TMEM87B: variants seen among roughly 807,000 people sequenced by gnomAD.
TMEM87B encodes the protein transmembrane protein 87B.
Under a neutral mutation model 80.3 loss-of-function variants are expected in TMEM87B, and 83 were observed. That is an observed-to-expected ratio of 1.03 (90% CI 0.87 to 1.24). The LOEUF (loss-of-function observed/expected upper bound fraction) is 1.24, where lower values mean the gene tolerates loss of function less well. TMEM87B is among the 50% of genes most tolerant of loss of function. The pLI, the probability that TMEM87B is intolerant of heterozygous loss-of-function variation, is 0.00. For synonymous variants in TMEM87B, 219 were observed against 230.5 expected, an observed-to-expected ratio of 0.95 and a Z score of 0.45; for missense variants, 625 against 674.4, an observed-to-expected ratio of 0.93 and a Z score of 0.81.
intron 18 of TMEM87B, among the ~76,000 whole-genome samples, chr2:112,115,717 A>C (rs1342576576): frequency 6.6e-6 from 1 of 152,236 alleles, no homozygotes; most frequent in Non-Finnish European, 1.5e-5. Context: ...TTTTCTAGCT[A>C]GCAGGAAGTT....
At chr2:112,064,886 TA>T (rs1437650432) in intron 3 of TMEM87B, among the ~76,000 whole-genome samples, 1 of 152,170 alleles carries the variant, frequency 6.6e-6, no homozygotes, top group African/African-American at 2.4e-5. Context: ...TGGGTTTCCA[TA>T]TCTTTTTAAA....
rs148356003 is a variant in TMEM87B at position 112,116,112 on chromosome 2, A to C, written c.1637A>C (p.Glu546Ala). Residue 546 changes from glutamate (E) to alanine (A), a missense_variant, in exon 19 of 19, where the codon GAA (glutamate) becomes GCA (alanine). Glu to Ala is a moderately radical substitution (Grantham distance 107, BLOSUM62 -1). Transcript: ENST00000283206. The stretch of plus-strand genomic sequence containing the variant: ...ATCATGACCAGATCTGAAATGGCTG[A>C]AAAAATGTTCTCTTCAGAAAAGATA... ...EEIMTRSEMA[E>A]KMFSSEKIM 3 of 1,612,590 alleles carry C rather than the reference A, an allele frequency of 1.9e-6. No individual in the cohort carries two copies. Among genetic ancestry groups the C allele is most frequent in the Non-Finnish European group, 2.5e-6 (3 of 1,179,412 alleles).
chr2:112,116,209 C>G lies in TMEM87B; in HGVS notation c.*66C>G, dbSNP rs1680019842. ...ATCCTTCATCAAGACTGAAAGTGAGCTTTGATTTGATATTGCCTAAAAATT... is the reference window on the plus strand; with the variant it reads ...ATCCTTCATCAAGACTGAAAGTGAGGTTTGATTTGATATTGCCTAAAAATT... On this transcript the variant is annotated 3_prime_UTR_variant, in exon 19 of 19. Coordinates refer to ENST00000283206, the MANE Select transcript of TMEM87B (RefSeq NM_032824.3). 1 of 1,415,220 alleles carries G rather than the reference C, an allele frequency of 7.1e-7. No individual in the cohort carries two copies. 87.7% of individuals were successfully genotyped at this position (1,415,220 alleles called of 1,614,324 possible). A position where few individuals can be genotyped will look rare whatever the true frequency, so the allele number is the denominator to read the frequency against.
At chr2:112,081,001 A>G (rs1678978816) in intron 6 of TMEM87B, 56 bp from the exon 7 acceptor site, 2 of 1,496,228 alleles carry the variant, frequency 1.3e-6, no homozygotes, top group African/African-American at 1.4e-5. Flanking sequence ...AAATGAACTT[A>G]CATTTAAAGA....
At chr2:112,077,467 T>C (rs1235454807) in intron 6 of TMEM87B, among the ~76,000 whole-genome samples, 185 bp downstream of exon 6, 1 of 152,252 alleles carries the variant, frequency 6.6e-6, no homozygotes, top group East Asian at 1.9e-4. Context: ...ATTTATTTTT[T>C]AATTGATTTA....
intron 1 of TMEM87B, among the ~76,000 whole-genome samples, chr2:112,058,720 C>G (rs72940089): frequency 0.047 from 7,169 of 152,234 alleles, 302 homozygotes; most frequent in African/African-American, 0.11. Flanking sequence ...AGGATCAGAT[C>G]TGGAGGTAGA....
chr2:112,116,111 G>GA lies in TMEM87B; in HGVS notation c.1642dup (p.Met548AsnfsTer33), dbSNP rs761191555. ...AATCATGACCAGATCTGAAATGGCT[G>GA]AAAAAATGTTCTCTTCAGAAAAGAT... is the stretch of plus-strand genomic sequence containing the variant. On this transcript the variant is annotated frameshift_variant, in exon 19 of 19. Transcript: ENST00000283206. LOFTEE classifies it high-confidence loss of function. 4.3e-6 allele frequency: 7 copies of GA among 1,612,280 alleles called. No individual in the cohort carries two copies. Among genetic ancestry groups the GA allele is most frequent in the Admixed American group, 3.3e-5 (2 of 59,944 alleles).
chr2:112,064,437 G>A (rs1475415638), intron 3 of TMEM87B, among the ~76,000 whole-genome samples, 184 bp downstream of exon 3: 1 of 152,162 alleles, frequency 6.6e-6, no homozygotes, highest in Admixed American at 6.5e-5. Context: ...GCTTTTAGTT[G>A]CCTTGTATGA....
intron 4 of TMEM87B, among the ~76,000 whole-genome samples, chr2:112,070,995 GTATT>G (rs1425499366): frequency 7.3e-5 from 11 of 150,148 alleles, no homozygotes; most frequent in African/African-American, 2.7e-4. Context: ...CTAATTTTTT[GTATT>G]TTTTTTTAGT....
rs1202806685 is a variant in TMEM87B, at chr2:112,117,323, G to A, written c.*1180G>A. 1 of 152,124 alleles carries A rather than the reference G, an allele frequency of 6.6e-6. No homozygotes were observed. Among genetic ancestry groups the A allele is most frequent in the Non-Finnish European group, 1.5e-5 (1 of 68,014 alleles). 9.4% of individuals were successfully genotyped at this position (152,124 alleles called of 1,614,324 possible). A position where few individuals can be genotyped will look rare whatever the true frequency, so the allele number is the denominator to read the frequency against. ...AGTCTTGTATGTCTTTTCTTTGAAG[G>A]AGTTCTAACCTTGTAAATTGAGAAT... On this transcript the variant is annotated 3_prime_UTR_variant, in exon 19 of 19. Transcript: ENST00000283206.
rs760023808 is a variant in TMEM87B at position 112,117,724 on chromosome 2, A to G, written c.*1581A>G. The G allele has an allele frequency of 2.6e-5, 4 of 151,998 alleles. No individual in the cohort carries two copies. The highest frequency in any genetic ancestry group is 5.9e-5 in the Non-Finnish European group (4 of 68,018). 9.4% of individuals were successfully genotyped at this position (151,998 alleles called of 1,614,324 possible). The stretch of plus-strand genomic sequence containing the variant: ...TTCTTATTTCAGTTTCTGCTGCAGT[A>G]ATGGGTTCCCACCCACTATAATTCC... On this transcript the variant is annotated 3_prime_UTR_variant, in exon 19 of 19. Transcript: ENST00000283206.
chr2:112,082,659 T>G (rs1005628920), intron 8 of TMEM87B, among the ~76,000 whole-genome samples: 80 of 138,862 alleles, frequency 5.8e-4, no homozygotes, highest in African/African-American at 2.0e-3. Flanking sequence ...TTTTTTATGG[T>G]GTGTGTGTGT....
intron 16 of TMEM87B, among the ~76,000 whole-genome samples, chr2:112,107,557 A>G (rs1490471350): frequency 6.6e-6 from 1 of 152,152 alleles, no homozygotes; most frequent in African/African-American, 2.4e-5. Context: ...ATAATATTTC[A>G]TACATCCAAC....
intron 1 of TMEM87B, among the ~76,000 whole-genome samples, chr2:112,056,097 C>G (rs1678048839): frequency 6.6e-6 from 1 of 152,158 alleles, no homozygotes; most frequent in African/African-American, 2.4e-5. Flanking sequence ...GCACATCTAG[C>G]AGCATCTTTG....
chr2:112,055,890 C>A, intron 1 of TMEM87B, 134 bp downstream of exon 1: 1 of 1,192,896 alleles, frequency 8.4e-7, no homozygotes, highest in Non-Finnish European at 1.1e-6. Context: ...CCTCCCTGAG[C>A]CTTTTGTCTG....
intron 1 of TMEM87B, among the ~76,000 whole-genome samples, chr2:112,056,468 T>C (rs6713344): frequency 0.78 from 118,163 of 151,882 alleles, 47,059 homozygotes; most frequent in African/African-American, 0.94. Flanking sequence ...ACTTGGCGTC[T>C]GGTAATTAGA....
intron 14 of TMEM87B, 111 bp downstream of exon 14, chr2:112,098,809 A>AC (rs1383653811): frequency 2.0e-6 from 2 of 975,748 alleles, no homozygotes; most frequent in African/African-American, 3.3e-5. Flanking sequence ...TAAGGAGTAT[A>AC]CAGTCAAGTA....
chr2:112,095,212 T>A (rs1196725269), intron 11 of TMEM87B: 2 of 809,720 alleles, frequency 2.5e-6, no homozygotes, highest in Non-Finnish European at 2.9e-6. Flanking sequence ...TTTTTTTTTT[T>A]GCTGTTTTGC....
At chr2:112,079,203 C>A (rs893510353) in intron 6 of TMEM87B, among the ~76,000 whole-genome samples, 12 of 151,848 alleles carry the variant, frequency 7.9e-5, no homozygotes, top group Non-Finnish European at 1.6e-4. Context: ...CAATAGAACT[C>A]AAAAAAAGAA....
Sources: gnomAD v4.1 joint callset for allele counts (sites outside exome capture counted in the v4.1 genomes callset) on GRCh38, gnomAD v4.1.1 for gene constraint, MANE v1.5 for transcripts, NCBI Gene and HGNC (gene_info 2026-07-23, HGNC 2026-07-21) for gene names.